Variants in FBXL2 observed in about 807,000 individuals in gnomAD.
FBXL2 encodes F-box/LRR-repeat protein 2.
In FBXL2, 38 loss-of-function variants were observed where a neutral mutation model predicts 69.2. The observed-to-expected ratio is 0.55, with a 90% CI of 0.42 to 0.72. FBXL2 has a LOEUF of 0.72. Ranked by LOEUF, FBXL2 falls within the 30% of genes least tolerant of loss-of-function variation. The pLI, the probability that FBXL2 is intolerant of heterozygous loss-of-function variation, is 0.00. For missense variants in FBXL2, 354 were observed against 520.3 expected, an observed-to-expected ratio of 0.68 and a Z score of 3.11; for synonymous variants, 192 against 201.3, an observed-to-expected ratio of 0.95 and a Z score of 0.39.
intron 2 of FBXL2, among the ~76,000 whole-genome samples, chr3:33,321,007 A>T (rs573005052): frequency 6.6e-6 from 1 of 152,198 alleles, no homozygotes; most frequent in South Asian, 2.1e-4. Context: ...GAAAACGACA[A>T]ACAATCTAAC....
the FBXL2 span, chr3:33,408,757 T>C: frequency 6.2e-7 from 1 of 1,613,910 alleles, no homozygotes; most frequent in East Asian, 2.2e-5. Flanking sequence ...CTTTTTCTGC[T>C]CATGTTCAAC....
intron 2 of FBXL2, among the ~76,000 whole-genome samples, chr3:33,336,418 C>G (rs2039581672): frequency 6.6e-6 from 1 of 152,048 alleles, no homozygotes; most frequent in African/African-American, 2.4e-5. Context: ...ATACCTACCT[C>G]AGAACATATG....
chr3:33,303,020 A>AT (rs2036419548), intron 2 of FBXL2: 5 of 456,438 alleles, frequency 1.1e-5, no homozygotes, highest in South Asian at 7.7e-5. Context: ...TAAAGGGCTC[A>AT]TTCCTGCTAT....
chr3:33,324,662 A>G (rs188643300), intron 2 of FBXL2, among the ~76,000 whole-genome samples: 260 of 152,200 alleles, frequency 1.7e-3, no homozygotes, highest in African/African-American at 5.9e-3. Flanking sequence ...ATTGGTCTAT[A>G]TATCTGTTTT....
intron 1 of FBXL2, among the ~76,000 whole-genome samples, chr3:33,294,256 C>T (rs2035532811): frequency 1.3e-5 from 2 of 151,932 alleles, no homozygotes; most frequent in Admixed American, 1.3e-4. Context: ...GCCACCATGC[C>T]CTGCTGATTT....
chr3:33,383,953 G>A, intron 13 of FBXL2, 36 bp from the exon 14 acceptor site: 1 of 1,598,400 alleles, frequency 6.3e-7, no homozygotes, highest in Non-Finnish European at 8.6e-7. Flanking sequence ...TGGAATAAGG[G>A]TCCTGCAAAC....
At chr3:33,361,801 A>G (rs1454043815) in intron 4 of FBXL2, among the ~76,000 whole-genome samples, 1 of 152,164 alleles carries the variant, frequency 6.6e-6, no homozygotes, top group Non-Finnish European at 1.5e-5. Flanking sequence ...TCCACCCTAG[A>G]TTATGAACCA....
At chr3:33,328,102 A>G (rs2038851073) in intron 2 of FBXL2, among the ~76,000 whole-genome samples, 1 of 152,148 alleles carries the variant, frequency 6.6e-6, no homozygotes, top group African/African-American at 2.4e-5. Flanking sequence ...CCCATTCATA[A>G]TTGCTACAAA....
chr3:33,388,544 A>ATAAGCACACAGCATT (rs2043611395), downstream of FBXL2: 1 of 152,648 alleles, frequency 6.6e-6, no homozygotes, highest in Non-Finnish European at 1.5e-5. Flanking sequence ...GGAATTCAAA[A>ATAAGCACACAGCATT]TAAGCACACA....
At chr3:33,357,773 C>T (rs1384601370) in intron 2 of FBXL2, among the ~76,000 whole-genome samples, 2 of 152,136 alleles carry the variant, frequency 1.3e-5, no homozygotes, top group African/African-American at 2.4e-5. Context: ...TCGTGATCCG[C>T]CCACCTCGGC....
At position 33,324,548 on chromosome 3, in the gene FBXL2, G is replaced by C. The variant is rs967587677; in HGVS notation, c.65+26823G>C. On this transcript the variant is annotated intron_variant, in intron 2 of 14. Transcript: ENST00000484457. ...CTAGCCAGTTTTCCCAACACCATTT[G>C]TTAAATAGGGAATCCTTTCCCCATT... Among the ~76,000 whole-genome samples the C allele has an allele frequency of 7.8e-4, 119 of 152,026 alleles. 2 individuals are homozygous for C. Among genetic ancestry groups the C allele is most frequent in the Non-Finnish European group, 2.1e-4 (14 of 67,964 alleles).
At chr3:33,401,320 A>C (rs1350099291) in intron 12 of FBXL2, among the ~76,000 whole-genome samples, 1 of 152,214 alleles carries the variant, frequency 6.6e-6, no homozygotes, top group Non-Finnish European at 1.5e-5. Flanking sequence ...AGGAAAATGA[A>C]GGATACACAT....
the FBXL2 span, chr3:33,416,204 C>A: frequency 6.6e-6 from 1 of 152,194 alleles, no homozygotes. Context: ...ATTAACCCTG[C>A]CCTGTAATGC....
chr3:33,312,954 C>G (rs949278419), intron 2 of FBXL2, among the ~76,000 whole-genome samples: 12 of 151,900 alleles, frequency 7.9e-5, no homozygotes, highest in African/African-American at 2.9e-4. Context: ...AACCCCGTCT[C>G]TACTGAAATG....
intron 2 of FBXL2, among the ~76,000 whole-genome samples, chr3:33,329,513 A>ACTCACACACACACCGCTG (rs1553642472): frequency 6.6e-6 from 1 of 152,184 alleles, no homozygotes; most frequent in Non-Finnish European, 1.5e-5. Context: ...TATGGAATTA[A>ACTCACACACACACCGCTG]CTAAGTGTCC....
intron 1 of FBXL2, among the ~76,000 whole-genome samples, chr3:33,280,777 A>G (rs1406637172): frequency 6.6e-6 from 1 of 151,790 alleles, no homozygotes; most frequent in African/African-American, 2.4e-5. Flanking sequence ...ATTTTAATTC[A>G]TATGGAACAA....
chr3:33,389,348 T>C (rs2043660711), downstream of FBXL2: 1 of 152,516 alleles, frequency 6.6e-6, no homozygotes. Context: ...TTCATCTTGT[T>C]CATAATGAAG....
downstream of FBXL2, among the ~76,000 whole-genome samples, chr3:33,406,818 G>A (rs1250881192): frequency 6.6e-6 from 1 of 152,240 alleles, no homozygotes; most frequent in East Asian, 1.9e-4. Flanking sequence ...TGTAGAAATT[G>A]GCAGTCATCA....
intron 2 of FBXL2, among the ~76,000 whole-genome samples, chr3:33,300,027 A>G (rs1234055674): frequency 1.3e-5 from 2 of 152,056 alleles, no homozygotes; most frequent in East Asian, 3.9e-4. Context: ...GGGTCTGAAC[A>G]TTTCTCTAGA....
Sources: gnomAD v4.1 joint callset for allele counts (sites outside exome capture counted in the v4.1 genomes callset) on GRCh38, gnomAD v4.1.1 for gene constraint, MANE v1.5 for transcripts, NCBI Gene and HGNC (gene_info 2026-07-23, HGNC 2026-07-21) for gene names.